The following GPR158 variants were observed in gnomAD, a reference collection of about 807,000 sequenced individuals.
GPR158 encodes G protein-coupled receptor 158.
In GPR158, 30 loss-of-function variants were observed where a neutral mutation model predicts 78.2. The ratio of observed to expected loss-of-function variants is 0.38; its 90% CI spans 0.29 to 0.52. GPR158 has a LOEUF of 0.52. Among genes scored for constraint, GPR158 ranks in the 20% least tolerant of loss-of-function variants. The pLI is 0.83. For synonymous variants in GPR158, 581 were observed against 591.1 expected (o/e 0.98, Z 0.25); for missense variants, 1,463 against 1,523.5 (o/e 0.96, Z 0.66).
chr10:25,286,571 C>T (rs1168568552), intron 2 of GPR158, among the ~76,000 whole-genome samples: 2 of 151,980 alleles, frequency 1.3e-5, no homozygotes, highest in Non-Finnish European at 2.9e-5. Flanking sequence ...GTATTTAGCT[C>T]CTTAGATCAC....
chr10:25,194,603 G>C (rs1852820073), intron 1 of GPR158, among the ~76,000 whole-genome samples: 1 of 152,062 alleles, frequency 6.6e-6, no homozygotes, highest in African/African-American at 2.4e-5. Flanking sequence ...GGAGTTAGAG[G>C]AGGCCAATTC....
rs1214091614 is a variant in GPR158, at chr10:25,176,339, G to T, written c.902+17G>T. The T allele has an allele frequency of 7.1e-6, 11 of 1,545,982 alleles. No homozygotes were observed. Among genetic ancestry groups the T allele is most frequent in the Non-Finnish European group, 9.6e-6 (11 of 1,145,516 alleles). On this transcript the variant is annotated intron_variant, in intron 1 of 10. Transcript: ENST00000376351. The surrounding 1 kb of genome is among the most constrained non-coding windows in gnomAD (Gnocchi z 6.3). ...GGAATTCAGGTAGGGAGGGCCGGGG[G>T]GCAGGGGGGAAGGCAAAAGCGAAGC...
chr10:25,258,586 C>G (rs1853921567), intron 2 of GPR158, among the ~76,000 whole-genome samples: 1 of 151,894 alleles, frequency 6.6e-6, no homozygotes, highest in Non-Finnish European at 1.5e-5. Flanking sequence ...AATTATGTAT[C>G]TATTTAGAAT....
chr10:25,317,881 AC>A (rs1854883576), intron 2 of GPR158, among the ~76,000 whole-genome samples: 1 of 152,176 alleles, frequency 6.6e-6, no homozygotes, highest in South Asian at 2.1e-4. Flanking sequence ...GGCATGTGCC[AC>A]CAAGCCTGGC....
intron 8 of GPR158, among the ~76,000 whole-genome samples, chr10:25,592,583 A>G (rs548062278): frequency 6.6e-6 from 1 of 152,038 alleles, no homozygotes; most frequent in Non-Finnish European, 1.5e-5. Flanking sequence ...ACCTGGCAGT[A>G]ATTTAAAACT....
At chr10:25,472,588 C>T (rs1400093798) in intron 5 of GPR158, among the ~76,000 whole-genome samples, 2 of 152,194 alleles carry the variant, frequency 1.3e-5, no homozygotes, top group Non-Finnish European at 2.9e-5. Context: ...ACTCTTCCTA[C>T]CCATGAGCAT....
intron 2 of GPR158, among the ~76,000 whole-genome samples, chr10:25,370,828 C>G (rs1000967360): frequency 2.0e-5 from 3 of 151,584 alleles, no homozygotes; most frequent in Non-Finnish European, 4.4e-5. Context: ...TCACTCAGGA[C>G]TTGCTTTATG....
intron 5 of GPR158, among the ~76,000 whole-genome samples, chr10:25,493,487 A>G (rs1835838233): frequency 6.6e-6 from 1 of 152,198 alleles, no homozygotes; most frequent in Non-Finnish European, 1.5e-5. Context: ...TAGTTTGGGT[A>G]GAGGGCTTTC....
At chr10:25,501,812 G>C (rs1835948580) in intron 5 of GPR158, among the ~76,000 whole-genome samples, 1 of 152,162 alleles carries the variant, frequency 6.6e-6, no homozygotes, top group East Asian at 1.9e-4. Flanking sequence ...TTCCATTCTA[G>C]TGTTTAGAAG....
intron 2 of GPR158, among the ~76,000 whole-genome samples, chr10:25,325,802 C>T (rs188460322): frequency 1.3e-5 from 2 of 152,150 alleles, no homozygotes; most frequent in Admixed American, 1.3e-4. Context: ...GATAACCATT[C>T]TAACAAGTGT....
chr10:25,545,106 T>G (rs147768182), intron 5 of GPR158, among the ~76,000 whole-genome samples: 1 of 152,228 alleles, frequency 6.6e-6, no homozygotes, highest in South Asian at 2.1e-4. Context: ...CAGTCTATCA[T>G]TGATGAGCAT....
chr10:25,519,741 C>A (rs1467343182), intron 5 of GPR158, among the ~76,000 whole-genome samples: 3 of 119,656 alleles, frequency 2.5e-5, no homozygotes, highest in African/African-American at 1.2e-4. Context: ...GCTGAGAGAT[C>A]CGCTGTTAGT....
At chr10:25,292,067 G>T (rs1854446081) in intron 2 of GPR158, among the ~76,000 whole-genome samples, 1 of 151,878 alleles carries the variant, frequency 6.6e-6, no homozygotes. Context: ...AAAGTAGTTA[G>T]ATACACACCC....
intron 2 of GPR158, among the ~76,000 whole-genome samples, chr10:25,338,688 CTG>C (rs1855261870): frequency 6.9e-6 from 1 of 145,752 alleles, no homozygotes; most frequent in Admixed American, 6.9e-5. Flanking sequence ...CAGTAGTAGT[CTG>C]TAATTCTGTA....
rs148724764 is a variant in GPR158, at chr10:25,504,910, T to G, written c.1404+38191T>G. Among the ~76,000 whole-genome samples the G allele has an allele frequency of 2.4e-3, 372 of 152,296 alleles. 3 individuals are homozygous for G. Among genetic ancestry groups the G allele is most frequent in the African/African-American group, 8.5e-3 (352 of 41,560 alleles). ...TGAATTGAGAGCAGTTGCAGTTCAGTGCGGAGTTGAGAGCATGAGCTCTAA... is the reference window on the plus strand; with the variant it reads ...TGAATTGAGAGCAGTTGCAGTTCAGGGCGGAGTTGAGAGCATGAGCTCTAA... On this transcript the variant is annotated intron_variant, in intron 5 of 10. Coordinates refer to ENST00000376351, the MANE Select transcript of GPR158 (RefSeq NM_020752.3).
intron 5 of GPR158, among the ~76,000 whole-genome samples, chr10:25,490,772 T>C (rs1454412549): frequency 1.3e-5 from 2 of 149,788 alleles, no homozygotes; most frequent in Admixed American, 6.7e-5. Context: ...TGTGTCTTTA[T>C]AGCAGCATGA....
chr10:25,329,309 G>A (rs886148919), intron 2 of GPR158, among the ~76,000 whole-genome samples: 3 of 151,760 alleles, frequency 2.0e-5, no homozygotes, highest in Admixed American at 1.3e-4. Flanking sequence ...GCGTGGTGGC[G>A]GGCACCTGTA....
chr10:25,463,210 T>C (rs1427600598), intron 4 of GPR158, among the ~76,000 whole-genome samples: 1 of 152,166 alleles, frequency 6.6e-6, no homozygotes, highest in Non-Finnish European at 1.5e-5. Flanking sequence ...CCATAAAGTA[T>C]TTTTTTCCTT....
At chr10:25,491,599 AATTT>A (rs1835809701) in intron 5 of GPR158, among the ~76,000 whole-genome samples, 1 of 152,148 alleles carries the variant, frequency 6.6e-6, no homozygotes, top group African/African-American at 2.4e-5. Flanking sequence ...AAAGTCCTAA[AATTT>A]ATTCTCTAAT....
Sources: allele counts gnomAD v4.1 joint callset (sites outside exome capture counted in the v4.1 genomes callset), GRCh38; gene constraint gnomAD v4.1.1; non-coding constraint Gnocchi (gnomAD v3.1); transcripts MANE v1.5; gene names NCBI Gene and HGNC (gene_info 2026-07-23, HGNC 2026-07-21).